VASH2: variants seen among roughly 807,000 people sequenced by gnomAD.
VASH2 encodes the protein tubulinyl-Tyr carboxypeptidase 2.
In VASH2, 28 loss-of-function variants were observed where a neutral mutation model predicts 37.2. That is an observed-to-expected ratio of 0.75 (90% CI 0.56 to 1.03). VASH2 has a LOEUF of 1.03. VASH2 is among the 50% of genes least tolerant of loss of function. VASH2 has a pLI of 0.00. For synonymous variants in VASH2, 188 were observed against 174.7 expected (o/e 1.08, Z -0.60); for missense variants, 419 against 459.1 (o/e 0.91, Z 0.80).
At chr1:212,979,775 T>G (rs1398870661) in intron 7 of VASH2, among the ~76,000 whole-genome samples, 1 of 152,156 alleles carries the variant, frequency 6.6e-6, no homozygotes, top group Non-Finnish European at 1.5e-5. Context: ...TTTCTCACAC[T>G]GCTCCTCTGG....
At chr1:212,963,409 G>A (rs1666738048) in intron 3 of VASH2, among the ~76,000 whole-genome samples, 1 of 152,146 alleles carries the variant, frequency 6.6e-6, no homozygotes. Context: ...TTAGTTCCTT[G>A]GGACTTCCTA....
At chr1:212,961,091 C>T (rs1344600427) in intron 2 of VASH2, 75 bp from the exon 3 acceptor site, 1 of 1,437,002 alleles carries the variant, frequency 7.0e-7, no homozygotes, top group Admixed American at 1.7e-5. Context: ...TGGCTTTAGC[C>T]CTCTGCCTGC....
In VASH2 at chr1:212,974,000, C is replaced by G; in HGVS notation, c.925C>G (p.Arg309Gly). Reference protein sequence around the residue: ...SAHSPTQVRSRGKSLSPRRRQ... With the variant: ...SAHSPTQVRSGGKSLSPRRRQ... Reference sequence around the variant, plus strand: ...CCACTCTCCGACCCAAGTGAGAAGCCGGGGAAAATCCCTGTCCCCCAGAAG... The same window carrying G: ...CCACTCTCCGACCCAAGTGAGAAGCGGGGGAAAATCCCTGTCCCCCAGAAG... The change falls in exon 7 of 8, where the codon CGG becomes GGG. Residue 309 changes from arginine (R) to glycine (G), a missense_variant. Physicochemically the swap from Arg to Gly is moderately radical, Grantham distance 125 (BLOSUM62 -2). This residue lies in a region of VASH2 where 177 missense variants were observed against 166.2 expected (regional missense o/e 1.06). Transcript: ENST00000517399. The G allele has an allele frequency of 3.1e-6, 5 of 1,613,840 alleles. No individual in the cohort carries two copies. Among genetic ancestry groups the G allele is most frequent in the Non-Finnish European group, 2.5e-6 (3 of 1,179,912 alleles).
At chr1:212,968,991 C>G (rs1666927424) in intron 5 of VASH2, 1 of 985,280 alleles carries the variant, frequency 1.0e-6, no homozygotes, top group Non-Finnish European at 1.2e-6. Flanking sequence ...CACCCACGAC[C>G]TTTTGGAATT....
chr1:212,955,707 A>G (rs1411459676), intron 2 of VASH2, among the ~76,000 whole-genome samples: 2 of 152,220 alleles, frequency 1.3e-5, no homozygotes, highest in African/African-American at 2.4e-5. Context: ...TTGATTCCCA[A>G]TTGGAAAATA....
chr1:212,985,308 T>C (rs955633123), intron 7 of VASH2, among the ~76,000 whole-genome samples: 2 of 150,472 alleles, frequency 1.3e-5, no homozygotes, highest in Admixed American at 1.3e-4. Context: ...CCCAAAGTGC[T>C]GGGACTATAA....
intron 7 of VASH2, among the ~76,000 whole-genome samples, chr1:212,977,137 C>A (rs1397338916): frequency 6.6e-6 from 1 of 152,052 alleles, no homozygotes; most frequent in Non-Finnish European, 1.5e-5. Flanking sequence ...GGGCTGGAAC[C>A]AGCCTGCGAA....
At chr1:212,976,588 G>A (rs1395437312) in intron 7 of VASH2, among the ~76,000 whole-genome samples, 1 of 150,176 alleles carries the variant, frequency 6.7e-6, no homozygotes, top group Non-Finnish European at 1.5e-5. Context: ...AAATGGTGAC[G>A]ACAAGGCCCT....
intron 7 of VASH2, among the ~76,000 whole-genome samples, chr1:212,982,632 C>T (rs1413139509): frequency 6.6e-6 from 1 of 151,758 alleles, no homozygotes; most frequent in Non-Finnish European, 1.5e-5. Context: ...CTGGGCCCCA[C>T]AGGCAGGTGG....
At chr1:212,986,818 C>T (rs572752485) in intron 7 of VASH2, among the ~76,000 whole-genome samples, 27 of 152,132 alleles carry the variant, frequency 1.8e-4, no homozygotes, top group Admixed American at 2.6e-4. Flanking sequence ...ATGACCCAGT[C>T]GCTATGGGGA....
chr1:212,964,368 C>A (rs2102632420), intron 3 of VASH2, among the ~76,000 whole-genome samples: 1 of 152,368 alleles, frequency 6.6e-6, no homozygotes, highest in South Asian at 2.1e-4. Flanking sequence ...CCCATCCCCA[C>A]CTGGCCTGCA....
intron 5 of VASH2, 100 bp from the exon 6 acceptor site, chr1:212,972,480 G>A: frequency 6.9e-7 from 1 of 1,449,102 alleles, no homozygotes. Flanking sequence ...CAGAGGCAGG[G>A]GGATGGACTC....
At chr1:212,953,046 C>T (rs1666371062) in intron 2 of VASH2, among the ~76,000 whole-genome samples, 1 of 152,148 alleles carries the variant, frequency 6.6e-6, no homozygotes, top group Non-Finnish European at 1.5e-5. Flanking sequence ...TCCTGGTTTG[C>T]AGTTCTGACT....
intron 3 of VASH2, among the ~76,000 whole-genome samples, chr1:212,963,786 C>A (rs756075045): frequency 6.6e-6 from 1 of 151,532 alleles, no homozygotes; most frequent in Non-Finnish European, 1.5e-5. Context: ...TTATTTTACT[C>A]TACGTTTGTC....
At chr1:212,953,493 G>C (rs1366199609) in intron 2 of VASH2, among the ~76,000 whole-genome samples, 1 of 152,144 alleles carries the variant, frequency 6.6e-6, no homozygotes, top group Admixed American at 6.5e-5. Flanking sequence ...CTTGCCTTTT[G>C]AATCAGGGCA....
chr1:212,953,362 G>T (rs371957766), intron 2 of VASH2, among the ~76,000 whole-genome samples: 30 of 152,214 alleles, frequency 2.0e-4, no homozygotes, highest in African/African-American at 7.2e-4. Context: ...TGCTTCCCAG[G>T]GCAGCTGATC....
At chr1:212,953,075 T>C (rs1222677263) in intron 2 of VASH2, among the ~76,000 whole-genome samples, 2 of 152,128 alleles carry the variant, frequency 1.3e-5, no homozygotes, top group African/African-American at 4.8e-5. Context: ...TTTCCTCCAG[T>C]GAGGAGCCGA....
At chr1:212,973,610 G>T (rs11809007) in intron 6 of VASH2, 46,849 of 1,232,618 alleles carry the variant, frequency 0.038, 1,750 homozygotes, top group African/African-American at 0.19. Context: ...TGAGGCAATA[G>T]AGATGGGACT....
In VASH2 at chr1:212,968,042, T is replaced by A. The variant is rs1572067913; in HGVS notation, c.497+1697T>A. On this transcript the variant is annotated intron_variant, in intron 5 of 7. Transcript: ENST00000517399. ...AGGCAGTGACTCCACATTTCTGGCT[T>A]GCATGATAATGCCACAAGGGAAGAA... 5 of 241,604 alleles carry A rather than the reference T, an allele frequency of 2.1e-5. No homozygotes were observed. In the South Asian group the frequency reaches 4.7e-4, roughly 23 times the overall value. 15.0% of individuals were successfully genotyped at this position (241,604 alleles called of 1,614,324 possible). A position where few individuals can be genotyped will look rare whatever the true frequency, so the allele number is the denominator to read the frequency against.
Sources: allele counts gnomAD v4.1 joint callset (sites outside exome capture counted in the v4.1 genomes callset), GRCh38; gene constraint gnomAD v4.1.1; regional missense constraint gnomAD v4.1.1; transcripts MANE v1.5; gene names NCBI Gene and HGNC (gene_info 2026-07-23, HGNC 2026-07-21).